Variants in ANK1 observed in about 807,000 individuals in gnomAD.
ANK1 encodes ankyrin 1.
In ANK1, 51 loss-of-function variants were observed where a neutral mutation model predicts 210.4. That is an observed-to-expected ratio of 0.24 (90% CI 0.19 to 0.31). The LOEUF (loss-of-function observed/expected upper bound fraction) is 0.31. Ranked by LOEUF, ANK1 falls within the 10% of genes least tolerant of loss-of-function variation. The pLI, the probability that ANK1 is intolerant of heterozygous loss-of-function variation, is 1.00. For missense variants in ANK1, 2,051 were observed against 2,504.4 expected (o/e 0.82, Z 3.86); for synonymous variants, 967 against 1,025.9 (o/e 0.94, Z 1.10).
chr8:41,829,913 G>A, intron 1 of ANK1: 1 of 128,396 alleles, frequency 7.8e-6, no homozygotes, highest in Admixed American at 1.0e-4. Flanking sequence ...TCCAGCCTGG[G>A]CGACAGAGCG....
intron 24 of ANK1, among the ~76,000 whole-genome samples, chr8:41,697,407 G>A (rs777835082): frequency 7.9e-5 from 12 of 151,994 alleles, no homozygotes; most frequent in Non-Finnish European, 1.3e-4. Flanking sequence ...CTTTTCCCCC[G>A]GTCCAGAACG....
chr8:41,856,600 TA>T (rs1339556245), intron 1 of ANK1, among the ~76,000 whole-genome samples: 6 of 152,152 alleles, frequency 3.9e-5, no homozygotes, highest in African/African-American at 1.4e-4. Flanking sequence ...ACAGGTTGAG[TA>T]ACACTAATCC....
intron 1 of ANK1, among the ~76,000 whole-genome samples, chr8:41,775,276 T>G (rs1189865817): frequency 1.3e-5 from 2 of 152,188 alleles, no homozygotes; most frequent in African/African-American, 4.8e-5. Flanking sequence ...ACCCTGAGAC[T>G]CCTCCTTTAT....
chr8:41,830,256 C>A lies in ANK1; in HGVS notation c.126+66099G>T, dbSNP rs1035482018. 2.7e-5 allele frequency among the ~76,000 whole-genome samples: 4 copies of A among 150,770 alleles called. No homozygotes were observed. The Admixed American group carries it at 2.7e-4, about 10-fold the overall frequency. On this transcript the variant is annotated intron_variant, in intron 1 of 42. Coordinates refer to the ANK1 transcript ENST00000265709. ...CATCTCCAGGACCAAACAGCCAAAG[C>A]CCCTCTTCTTTTCTTCAAAATACAC...
At chr8:41,746,599 C>G (rs757729191) in intron 2 of ANK1, among the ~76,000 whole-genome samples, 2 of 152,134 alleles carry the variant, frequency 1.3e-5, no homozygotes, top group Non-Finnish European at 2.9e-5. Flanking sequence ...GAATGCACAA[C>G]GATTTTAGAG....
At chr8:41,683,705 T>C (rs1028260197) in intron 37 of ANK1, among the ~76,000 whole-genome samples, 2 of 152,216 alleles carry the variant, frequency 1.3e-5, no homozygotes, top group Admixed American at 6.5e-5. Context: ...GGCTCAGTCA[T>C]GCAGGGAGTT....
intron 1 of ANK1, among the ~76,000 whole-genome samples, chr8:41,777,772 G>C (rs911831591): frequency 4.6e-5 from 7 of 152,116 alleles, no homozygotes; most frequent in African/African-American, 1.7e-4. Flanking sequence ...ACCTGTCTCA[G>C]CACTCGTGAC....
intron 1 of ANK1, among the ~76,000 whole-genome samples, chr8:41,878,454 C>T (rs1381455353): frequency 6.6e-6 from 1 of 152,196 alleles, no homozygotes; most frequent in Non-Finnish European, 1.5e-5. Context: ...CAGACAGGTT[C>T]AGGGGGAGCT....
chr8:41,843,620 C>T (rs780762755), intron 1 of ANK1, among the ~76,000 whole-genome samples: 12 of 152,196 alleles, frequency 7.9e-5, no homozygotes, highest in Non-Finnish European at 1.2e-4. Context: ...AAACAGATAG[C>T]GGTGATAGGA....
chr8:41,761,330 C>T (rs903919966), intron 1 of ANK1, among the ~76,000 whole-genome samples: 1 of 151,564 alleles, frequency 6.6e-6, no homozygotes, highest in African/African-American at 2.4e-5. Flanking sequence ...CACAGATACA[C>T]ACACCTGCAC....
chr8:41,833,155 G>A (rs1806990901), intron 1 of ANK1, among the ~76,000 whole-genome samples: 1 of 152,154 alleles, frequency 6.6e-6, no homozygotes, highest in Non-Finnish European at 1.5e-5. Flanking sequence ...GTGGAGCGAG[G>A]CCCCAGGCCC....
intron 16 of ANK1, among the ~76,000 whole-genome samples, chr8:41,711,785 C>A (rs1826200722): frequency 6.6e-6 from 1 of 152,166 alleles, no homozygotes; most frequent in African/African-American, 2.4e-5. Flanking sequence ...CTGTAAGCCG[C>A]CTCAGACACA....
intron 2 of ANK1, among the ~76,000 whole-genome samples, chr8:41,752,451 G>T (rs1254636377): frequency 1.3e-5 from 2 of 151,992 alleles, no homozygotes; most frequent in Admixed American, 1.3e-4. Context: ...TCTATCTTTG[G>T]GCTGGACCTC....
At chr8:41,662,376 C>T (rs927409046) in intron 40 of ANK1, among the ~76,000 whole-genome samples, 1 of 152,162 alleles carries the variant, frequency 6.6e-6, no homozygotes, top group Admixed American at 6.5e-5. Context: ...CCTTGAGAGG[C>T]CAAGAAGAGG....
At chr8:41,669,773 G>A (rs1022897356) in intron 38 of ANK1, among the ~76,000 whole-genome samples, 2 of 152,120 alleles carry the variant, frequency 1.3e-5, no homozygotes, top group African/African-American at 2.4e-5. Context: ...ACAAGCCCAC[G>A]GCCCTTTCCT....
At position 41,719,503 on chromosome 8, in the gene ANK1, C is replaced by T. The variant is rs77759831; in HGVS notation, c.1107+158G>A. Among the ~76,000 whole-genome samples the T allele has an allele frequency of 5.7e-3, 866 of 152,264 alleles. 6 individuals carry two copies. The highest frequency in any genetic ancestry group is 0.013 in the African/African-American group (558 of 41,554). On this transcript the variant is annotated intron_variant, in intron 10 of 42. Coordinates refer to ENST00000289734, the MANE Select transcript of ANK1 (RefSeq NM_000037.4). ...GGTGCAGGAGGGGTGCACACCAGGC[C>T]CCCACCATCCAGTGCTGTCACACCC... is the stretch of plus-strand genomic sequence containing the variant.
chr8:41,874,881 C>T (rs1161610464), intron 1 of ANK1, among the ~76,000 whole-genome samples: 9 of 152,210 alleles, frequency 5.9e-5, no homozygotes, highest in Admixed American at 5.9e-4. Flanking sequence ...TTTCCACCAT[C>T]ACGACTGACC....
chr8:41,733,397 T>C (rs549097160), intron 3 of ANK1, among the ~76,000 whole-genome samples: 1 of 152,354 alleles, frequency 6.6e-6, no homozygotes, highest in South Asian at 2.1e-4. Context: ...CTAGTATTTA[T>C]TGATTCCTTA....
chr8:41,787,382 C>T (rs2150755429), intron 1 of ANK1, among the ~76,000 whole-genome samples: 1 of 152,344 alleles, frequency 6.6e-6, no homozygotes, highest in African/African-American at 2.4e-5. Flanking sequence ...TTAGAATTCA[C>T]ACAGTCCTAG....
Sources: gnomAD v4.1 joint callset for allele counts (sites outside exome capture counted in the v4.1 genomes callset) on GRCh38, gnomAD v4.1.1 for gene constraint, MANE v1.5 for transcripts, NCBI Gene and HGNC (gene_info 2026-07-23, HGNC 2026-07-21) for gene names.